ADGRB3: variants seen among roughly 807,000 people sequenced by gnomAD.
The protein encoded by ADGRB3 is adhesion G protein-coupled receptor B3.
ADGRB3 carries 37 observed loss-of-function variants against 193.4 expected under a neutral mutation model. The observed-to-expected ratio is 0.19, with a 90% CI of 0.15 to 0.25. ADGRB3 has a LOEUF of 0.25. Among genes scored for constraint, ADGRB3 ranks in the 10% least tolerant of loss-of-function variants. The probability of loss-of-function intolerance (pLI) is 1.00; values close to 1 mark genes in which losing one functional copy is unlikely to be tolerated. For missense variants in ADGRB3, 1,637 were observed against 1,852.9 expected (o/e 0.88, Z 2.14); for synonymous variants, 690 against 644.2 (o/e 1.07, Z -1.08).
At chr6:68,949,212 G>A (rs1441944991) in intron 6 of ADGRB3, among the ~76,000 whole-genome samples, 1 of 151,988 alleles carries the variant, frequency 6.6e-6, no homozygotes, top group African/African-American at 2.4e-5. Flanking sequence ...GACTCAAAGG[G>A]ATTCTTCTCC....
Position 68,956,226 on chromosome 6 carries a change from C to T in ADGRB3, c.1360+38C>T, listed in dbSNP as rs755525531. Reference sequence around the variant, plus strand: ...TCCTGCATATCATGGGCACTCGTACCATGTAAAGGGCACATTATAAAATGT... The same window carrying T: ...TCCTGCATATCATGGGCACTCGTACTATGTAAAGGGCACATTATAAAATGT... On this transcript the variant is annotated intron_variant, in intron 7 of 31. Coordinates refer to ENST00000370598, the MANE Select transcript of ADGRB3 (RefSeq NM_001704.3). 5 of 1,558,122 alleles carry T rather than the reference C, an allele frequency of 3.2e-6. No homozygotes were observed. The East Asian group carries it at 9.1e-5, about 28-fold the overall frequency.
At chr6:69,339,184 A>T in intron 25 of ADGRB3, 149 bp from the exon 26 acceptor site, 1 of 1,145,502 alleles carries the variant, frequency 8.7e-7, no homozygotes, top group South Asian at 1.6e-5. Flanking sequence ...TATAAAAAAA[A>T]AAATAAGACT....
chr6:68,918,136 A>T lies in ADGRB3; in HGVS notation c.758-12423A>T, dbSNP rs372273697. Reference sequence around the variant, plus strand: ...ATGGAAAACATTTTTCCTTCAGAGAAGCAAAATTGTAATGACTTCTACTTA... The same window carrying T: ...ATGGAAAACATTTTTCCTTCAGAGATGCAAAATTGTAATGACTTCTACTTA... On this transcript the variant is annotated intron_variant, in intron 3 of 31. Coordinates refer to ENST00000370598, the MANE Select transcript of ADGRB3 (RefSeq NM_001704.3). Among the ~76,000 whole-genome samples, 34 of 152,312 alleles carry T rather than the reference A, an allele frequency of 2.2e-4. No homozygotes were observed. The South Asian group carries it at 6.8e-3, about 31-fold the overall frequency.
chr6:69,246,467 T>A lies in ADGRB3; in HGVS notation c.2814+7241T>A, dbSNP rs530961653. ...TCATCAAACCAAGGAGCATAATGGT[T>A]GGCTAGCTTCTTGATTTCCCCAGGC... On this transcript the variant is annotated intron_variant, in intron 20 of 31. Coordinates refer to ENST00000370598, the MANE Select transcript of ADGRB3 (RefSeq NM_001704.3). Among the ~76,000 whole-genome samples the A allele has an allele frequency of 3.3e-5, 5 of 152,266 alleles. No homozygotes were observed. In the South Asian group the frequency reaches 1.0e-3, roughly 32 times the overall value.
rs1436528711 is a variant in ADGRB3 at position 68,950,951 on chromosome 6, C to G, written c.1196-5073C>G. On this transcript the variant is annotated intron_variant, in intron 6 of 31. Transcript: ENST00000370598. ...AATCTTTTCATACTTTGCATCTTCC[C>G]TGGTCGCATGGCCTATAGGGCCCTA... Among the ~76,000 whole-genome samples the G allele has an allele frequency of 2.6e-5, 4 of 152,208 alleles. No individual in the cohort carries two copies. The East Asian group carries it at 7.7e-4, about 29-fold the overall frequency.
Position 68,933,659 on chromosome 6 carries a change from A to T in ADGRB3, c.869-2860A>T, listed in dbSNP as rs1031655744. ...ATTTCTAATTTCATGACTTTAAGATAATAGCAAAAGTTTATATTAATATTT... is the reference window on the plus strand; with the variant it reads ...ATTTCTAATTTCATGACTTTAAGATTATAGCAAAAGTTTATATTAATATTT... On this transcript the variant is annotated intron_variant, in intron 4 of 31. Transcript: ENST00000370598. 8.5e-5 allele frequency among the ~76,000 whole-genome samples: 13 copies of T among 152,228 alleles called. 1 individual carries two copies. The highest frequency in any genetic ancestry group is 2.9e-4 in the African/African-American group (12 of 41,464).
chr6:69,134,261 G>A (rs191315559), intron 17 of ADGRB3, among the ~76,000 whole-genome samples: 3 of 151,886 alleles, frequency 2.0e-5, no homozygotes, highest in East Asian at 3.9e-4. Context: ...CTCTACCCTC[G>A]TCCACCAATT....
intron 3 of ADGRB3, among the ~76,000 whole-genome samples, chr6:68,661,309 G>A (rs1768625622): frequency 8.7e-6 from 1 of 114,796 alleles, no homozygotes; most frequent in Non-Finnish European, 1.7e-5. Context: ...ATATATATGT[G>A]TGTGTGTGTG....
intron 17 of ADGRB3, among the ~76,000 whole-genome samples, chr6:69,202,836 A>G (rs1308154043): frequency 6.6e-6 from 1 of 152,152 alleles, no homozygotes; most frequent in Non-Finnish European, 1.5e-5. Context: ...TGAAAAAGTG[A>G]TAAATTCCAC....
chr6:69,233,516 G>T, intron 18 of ADGRB3, 100 bp downstream of exon 18: 1 of 1,423,850 alleles, frequency 7.0e-7, no homozygotes, highest in Admixed American at 2.3e-5. Context: ...AATGGAAAAT[G>T]TTGCAGGGTA....
Position 68,914,300 on chromosome 6 carries a change from C to T in ADGRB3, c.758-16259C>T, listed in dbSNP as rs867046844. 5.5e-4 allele frequency among the ~76,000 whole-genome samples: 83 copies of T among 152,016 alleles called. No homozygotes were observed. The South Asian group carries it at 0.012, about 22-fold the overall frequency. ...GTTAAGGGCAGCCAGAGAGAAAGGT[C>T]GGGTTACCCACAAAGGGAAGCCCAT... On this transcript the variant is annotated intron_variant, in intron 3 of 31. Coordinates refer to ENST00000370598, the MANE Select transcript of ADGRB3 (RefSeq NM_001704.3).
intron 3 of ADGRB3, among the ~76,000 whole-genome samples, chr6:68,783,465 C>T (rs1766900187): frequency 6.6e-6 from 1 of 151,420 alleles, no homozygotes; most frequent in Non-Finnish European, 1.5e-5. Context: ...ACAACACTAC[C>T]CTCAAGTTGA....
At chr6:69,219,460 C>CTTAT in intron 17 of ADGRB3, among the ~76,000 whole-genome samples, 1 of 54,886 alleles carries the variant, frequency 1.8e-5, no homozygotes, top group East Asian at 7.4e-4. Flanking sequence ...TACACACACA[C>CTTAT]GTATATATAT....
chr6:69,359,893 T>A (rs1323181344), intron 28 of ADGRB3, among the ~76,000 whole-genome samples: 1 of 151,956 alleles, frequency 6.6e-6, no homozygotes, highest in African/African-American at 2.4e-5. Context: ...ATTTGTATCC[T>A]CAAAACTGAT....
At chr6:69,254,403 A>AT (rs1295708750) in intron 20 of ADGRB3, among the ~76,000 whole-genome samples, 34 of 151,800 alleles carry the variant, frequency 2.2e-4, no homozygotes, top group African/African-American at 4.8e-4. Flanking sequence ...CATGCCTATT[A>AT]CTTTTTTTTC....
chr6:69,057,436 A>C (rs1186859401), intron 15 of ADGRB3, among the ~76,000 whole-genome samples: 1 of 151,996 alleles, frequency 6.6e-6, no homozygotes, highest in African/African-American at 2.4e-5. Flanking sequence ...GACTTCTAGT[A>C]CTATGTTGAA....
At chr6:69,046,112 C>T (rs888022298) in intron 13 of ADGRB3, among the ~76,000 whole-genome samples, 18 of 152,114 alleles carry the variant, frequency 1.2e-4, no homozygotes, top group Admixed American at 1.2e-3. Context: ...TTATGCCTTT[C>T]TGTTTGTTTT....
In ADGRB3 at chr6:69,235,150, G is replaced by A; in HGVS notation, c.2711+15G>A. On this transcript the variant is annotated intron_variant, in intron 19 of 31. Coordinates refer to ENST00000370598, the MANE Select transcript of ADGRB3 (RefSeq NM_001704.3). ...GCATTATGGAGGTAAGTAATCAATT[G>A]ATAGACCTGAAATGCAATGCTTAGT... The A allele has an allele frequency of 6.5e-7, 1 of 1,540,914 alleles. No individual in the cohort carries two copies. Among genetic ancestry groups the A allele is most frequent in the Non-Finnish European group, 9.0e-7 (1 of 1,116,356 alleles).
At chr6:68,698,172 A>G (rs1489420398) in intron 3 of ADGRB3, among the ~76,000 whole-genome samples, 1 of 151,926 alleles carries the variant, frequency 6.6e-6, no homozygotes, top group Admixed American at 6.6e-5. Flanking sequence ...AAACTAACCA[A>G]TGAAATACAA....
Sources: allele counts gnomAD v4.1 joint callset (sites outside exome capture counted in the v4.1 genomes callset), GRCh38; gene constraint gnomAD v4.1.1; transcripts MANE v1.5; gene names NCBI Gene and HGNC (gene_info 2026-07-23, HGNC 2026-07-21).